RIMBP2: variants seen among roughly 807,000 people sequenced by gnomAD.
RIMBP2 encodes RIMS-binding protein 2.
A neutral mutation model predicts 118.6 loss-of-function variants in RIMBP2; 48 were observed. That is an observed-to-expected ratio of 0.40 (90% confidence interval 0.32 to 0.51). The LOEUF is 0.51. Ranked by LOEUF, RIMBP2 falls within the 20% of genes least tolerant of loss-of-function variation. The pLI, the probability that RIMBP2 is intolerant of heterozygous loss-of-function variation, is 0.41. For missense variants in RIMBP2, 1,551 were observed against 1,768.3 expected (o/e 0.88, Z 2.20); for synonymous variants, 762 against 742.9 (o/e 1.03, Z -0.42).
rs1360011425 is a variant in RIMBP2 at position 130,576,136 on chromosome 12, G to T, written c.-217+52186C>A. ...GCAAAGGGGCTGCGGACAGGTGAGGGGGAGGAGGGGGCTGCAGATCGTACC... is the reference window on the plus strand; with the variant it reads ...GCAAAGGGGCTGCGGACAGGTGAGGTGGAGGAGGGGGCTGCAGATCGTACC... On this transcript the variant is annotated intron_variant, in intron 2 of 22. Transcript: ENST00000690449. This position sits in a 1 kb window ranked among gnomAD's most constrained non-coding sequence, Gnocchi z 4.2. 6.6e-6 allele frequency among the ~76,000 whole-genome samples: 1 copy of T among 152,072 alleles called. No individual in the cohort carries two copies. The highest frequency in any genetic ancestry group is 2.4e-5 in the African/African-American group (1 of 41,392).
intron 1 of RIMBP2, among the ~76,000 whole-genome samples, chr12:130,634,163 C>T (rs1338749730): frequency 6.6e-6 from 1 of 152,194 alleles, no homozygotes; most frequent in East Asian, 1.9e-4. Context: ...CGCTCTCTTC[C>T]CCCCGAATCT....
chr12:130,611,427 A>G (rs1594033206), intron 2 of RIMBP2, among the ~76,000 whole-genome samples: 1 of 152,198 alleles, frequency 6.6e-6, no homozygotes, highest in East Asian at 1.9e-4. Context: ...CCACTCCCGC[A>G]GAAGCCAGGG....
chr12:130,701,780 C>A (rs530432621), intron 1 of RIMBP2, among the ~76,000 whole-genome samples: 10 of 152,092 alleles, frequency 6.6e-5, no homozygotes, highest in African/African-American at 2.4e-4. Context: ...ATAACGCATC[C>A]TTCAACTCAG....
intron 1 of RIMBP2, among the ~76,000 whole-genome samples, chr12:130,634,595 CT>C (rs35020214): frequency 0.12 from 17,339 of 148,964 alleles, 1,085 homozygotes; most frequent in African/African-American, 0.18. Flanking sequence ...TTAAAGATGA[CT>C]TTTTTTTTTT....
At chr12:130,476,625 C>T (rs940168886) in intron 5 of RIMBP2, among the ~76,000 whole-genome samples, 1 of 152,246 alleles carries the variant, frequency 6.6e-6, no homozygotes, top group African/African-American at 2.4e-5. Context: ...CCCTTGCACA[C>T]TCCTGCCCCA....
chr12:130,544,434 C>G (rs1157108753), intron 2 of RIMBP2, among the ~76,000 whole-genome samples: 1 of 152,180 alleles, frequency 6.6e-6, no homozygotes, highest in Non-Finnish European at 1.5e-5. Context: ...GGACAACCAG[C>G]AAGACTGCCG....
chr12:130,553,105 A>G (rs1274476520), intron 2 of RIMBP2, among the ~76,000 whole-genome samples: 1 of 151,678 alleles, frequency 6.6e-6, no homozygotes, highest in South Asian at 2.1e-4. Flanking sequence ...GTGAGCCGAG[A>G]TCGCACCACT....
chr12:130,408,224 C>T (rs2075361968), intron 19 of RIMBP2, among the ~76,000 whole-genome samples: 1 of 152,200 alleles, frequency 6.6e-6, no homozygotes, highest in Admixed American at 6.5e-5. Context: ...GGGAAGGCCC[C>T]ATAGACACAG....
Position 130,442,600 on chromosome 12 carries a change from T to G in RIMBP2, c.752A>C (p.Asp251Ala), listed in dbSNP as rs772171051. 6 of 1,614,232 alleles carry G rather than the reference T, an allele frequency of 3.7e-6. No homozygotes were observed. The South Asian group carries it at 6.6e-5, about 18-fold the overall frequency. Residue 251 changes from aspartate to alanine, a missense_variant, in exon 11 of 23, where the codon GAC (aspartate) becomes GCC (alanine). This residue lies in a region of RIMBP2 where 265 missense variants were observed against 349.5 expected (regional missense o/e 0.76). Transcript: ENST00000690449. The surrounding 1 kb of genome is among the most constrained non-coding windows in gnomAD (Gnocchi z 6.9). ...CGTGCTTGCCAACCGCGACTCGTTGTCCTGCACAAAGTCCACGAAGTTGGA... is the reference window on the plus strand; with the variant it reads ...CGTGCTTGCCAACCGCGACTCGTTGGCCTGCACAAAGTCCACGAAGTTGGA... ...VPSNFVDFVQ[D>A]NESRLASTLG...
intron 1 of RIMBP2, among the ~76,000 whole-genome samples, chr12:130,666,805 G>T (rs117680291): frequency 1.1e-5 from 1 of 90,466 alleles, no homozygotes; most frequent in Non-Finnish European, 2.7e-5. Flanking sequence ...GAGGGAGGAA[G>T]GGAGGGAGGA....
intron 2 of RIMBP2, among the ~76,000 whole-genome samples, chr12:130,570,269 C>CA (rs923006734): frequency 2.6e-5 from 4 of 151,868 alleles, no homozygotes; most frequent in Non-Finnish European, 5.9e-5. Context: ...ATAAAAAACA[C>CA]AAAAAAATTA....
intron 19 of RIMBP2, among the ~76,000 whole-genome samples, chr12:130,411,274 G>A (rs1364722092): frequency 1.3e-5 from 2 of 152,140 alleles, no homozygotes; most frequent in Non-Finnish European, 2.9e-5. Context: ...GATTTTCTAA[G>A]TAGATTTCCA....
intron 6 of RIMBP2, among the ~76,000 whole-genome samples, chr12:130,462,063 C>T (rs1386373095): frequency 1.3e-5 from 2 of 152,214 alleles, no homozygotes; most frequent in South Asian, 2.1e-4. Flanking sequence ...GGCTGCTGGC[C>T]GTGGTGCTGC....
At chr12:130,478,173 G>GTCCT (rs2081607403) in intron 5 of RIMBP2, among the ~76,000 whole-genome samples, 3 of 152,256 alleles carry the variant, frequency 2.0e-5, no homozygotes, top group Admixed American at 2.0e-4. Flanking sequence ...AAATCACTCA[G>GTCCT]TCCTTCCTTC....
chr12:130,442,515 C>A lies in RIMBP2; in HGVS notation c.837G>T (p.Glu279Asp), dbSNP rs577925390. The A allele has an allele frequency of 1.9e-6, 3 of 1,614,126 alleles. No homozygotes were observed. The South Asian group carries it at 3.3e-5, about 18-fold the overall frequency. The change falls in exon 11 of 23, where the codon GAG (glutamate) becomes GAT (aspartate). Residue 279 changes from glutamate to aspartate, a missense_variant. This residue lies in a region of RIMBP2 where 265 missense variants were observed against 349.5 expected (regional missense o/e 0.76). Transcript: ENST00000690449. The surrounding 1 kb of genome is among the most constrained non-coding windows in gnomAD (Gnocchi z 6.9). ...INHSGIGLEG[E>D]HILDLHSPTH... is the part of the protein sequence containing the mutation. Reference sequence around the variant, plus strand: ...TTGGGGAGTGGAGGTCCAGGATGTGCTCTCCCTCCAGGCCGATGCCGGAAT... The same window carrying A: ...TTGGGGAGTGGAGGTCCAGGATGTGATCTCCCTCCAGGCCGATGCCGGAAT...
At chr12:130,594,131 C>T (rs1424263100) in intron 2 of RIMBP2, among the ~76,000 whole-genome samples, 1 of 152,234 alleles carries the variant, frequency 6.6e-6, no homozygotes, top group Non-Finnish European at 1.5e-5. Flanking sequence ...GCCTTGTCTT[C>T]CTTTCCTCAC....
intron 2 of RIMBP2, among the ~76,000 whole-genome samples, chr12:130,545,259 G>A (rs982668493): frequency 2.6e-5 from 4 of 152,260 alleles, no homozygotes; most frequent in South Asian, 2.1e-4. Context: ...AATCAGACGC[G>A]TAATTGCTGT....
chr12:130,625,105 C>T (rs2029266), intron 2 of RIMBP2, among the ~76,000 whole-genome samples: 88,631 of 152,078 alleles, frequency 0.58, 27,291 homozygotes, highest in Admixed American at 0.68. Context: ...ACCCATATAA[C>T]GTGTGAAAGT....
intron 2 of RIMBP2, among the ~76,000 whole-genome samples, chr12:130,547,550 G>C (rs1011224425): frequency 2.0e-5 from 3 of 152,200 alleles, no homozygotes; most frequent in African/African-American, 7.2e-5. Context: ...GAGGCCTTGA[G>C]ACATCATAAA....
Sources: allele counts gnomAD v4.1 joint callset (sites outside exome capture counted in the v4.1 genomes callset), GRCh38; gene constraint gnomAD v4.1.1; regional missense constraint gnomAD v4.1.1; non-coding constraint Gnocchi (gnomAD v3.1); transcripts MANE v1.5; gene names NCBI Gene and HGNC (gene_info 2026-07-23, HGNC 2026-07-21).